The following CCNK variants were observed in gnomAD, a reference collection of about 807,000 sequenced individuals.
CCNK encodes the protein cyclin-K.
Under a neutral mutation model 65.0 loss-of-function variants are expected in CCNK, and 9 were observed. The ratio of observed to expected loss-of-function variants is 0.14; its 90% CI spans 0.08 to 0.24. The LOEUF (loss-of-function observed/expected upper bound fraction) is 0.24. Among genes scored for constraint, CCNK ranks in the 10% least tolerant of loss-of-function variants. The pLI is 1.00. For missense variants in CCNK, 474 were observed against 720.0 expected, an observed-to-expected ratio of 0.66 and a Z score of 3.91; for synonymous variants, 279 against 270.8, an observed-to-expected ratio of 1.03 and a Z score of -0.30.
intron 4 of CCNK, among the ~76,000 whole-genome samples, chr14:99,496,804 T>C (rs1162355524): frequency 1.3e-5 from 2 of 151,770 alleles, no homozygotes; most frequent in African/African-American, 4.8e-5. Flanking sequence ...TCCCATCTAC[T>C]TGGGAGGCTG....
intron 1 of CCNK, chr14:99,491,877 A>T (rs1308133018): frequency 6.6e-6 from 1 of 152,198 alleles, no homozygotes; most frequent in African/African-American, 2.4e-5. Flanking sequence ...CAAATGACTT[A>T]TTTCTAACAG....
rs1469346271 is a variant in CCNK, at chr14:99,511,497, A to G, written c.*715A>G. ...GACTCCTTCAGTCAGTTATCCAAATAAAAGCAGTTCTGAAACTATCCCTTT... is the reference window on the plus strand; with the variant it reads ...GACTCCTTCAGTCAGTTATCCAAATGAAAGCAGTTCTGAAACTATCCCTTT... On this transcript the variant is annotated 3_prime_UTR_variant, in exon 11 of 11. Coordinates refer to ENST00000389879, the MANE Select transcript of CCNK (RefSeq NM_001099402.2). 6.6e-6 allele frequency: 1 copy of G among 152,616 alleles called. No individual in the cohort carries two copies. 9.5% of individuals were successfully genotyped at this position (152,616 alleles called of 1,614,324 possible). A position where few individuals can be genotyped will look rare whatever the true frequency, so the allele number is the denominator to read the frequency against.
intron 6 of CCNK, 147 bp from the exon 7 acceptor site, chr14:99,502,060 A>T (rs1004823696): frequency 2.3e-6 from 2 of 858,130 alleles, no homozygotes; most frequent in African/African-American, 3.8e-5. Flanking sequence ...TAGAAGAGTA[A>T]AGACTTGAGT....
chr14:99,483,384 ACAAAAAAAAAAT>A (rs777133106), intron 1 of CCNK, among the ~76,000 whole-genome samples: 10 of 152,102 alleles, frequency 6.6e-5, no homozygotes, highest in Non-Finnish European at 1.5e-4. Context: ...CCTCACCACT[ACAAAAAAAAAAT>A]CAAAAAATTA....
intron 1 of CCNK, among the ~76,000 whole-genome samples, chr14:99,485,161 C>T (rs577314647): frequency 6.6e-6 from 1 of 152,322 alleles, no homozygotes; most frequent in African/African-American, 2.4e-5. Context: ...CACTACATTT[C>T]ATGAATTGTT....
rs770745891 is a variant in CCNK at position 99,510,718 on chromosome 14, C to G, written c.1679C>G (p.Pro560Arg). 4 of 1,429,310 alleles carry G rather than the reference C, an allele frequency of 2.8e-6. No individual in the cohort carries two copies. Among genetic ancestry groups the G allele is most frequent in the Non-Finnish European group, 3.7e-6 (4 of 1,090,578 alleles). 88.5% of individuals were successfully genotyped at this position (1,429,310 alleles called of 1,614,324 possible). The change falls in exon 11 of 11, where the codon CCG (proline) becomes CGG (arginine). Residue 560 changes from proline (P) to arginine (R), a missense_variant. Coordinates refer to ENST00000389879, the MANE Select transcript of CCNK (RefSeq NM_001099402.2). ...VPPGGQPPVPPPIPPPGMPPV... is the reference protein window; with the variant it reads ...VPPGGQPPVPRPIPPPGMPPV... ...CCTGGAGGACAGCCTCCTGTGCCCCCGCCCATTCCCCCACCCGGCATGCCT... is the reference window on the plus strand; with the variant it reads ...CCTGGAGGACAGCCTCCTGTGCCCCGGCCCATTCCCCCACCCGGCATGCCT...
At chr14:99,491,920 T>C (rs1468861987) in intron 1 of CCNK, 1 of 151,948 alleles carries the variant, frequency 6.6e-6, no homozygotes, top group East Asian at 1.9e-4. Flanking sequence ...GTTGTTGTTG[T>C]TTTTTTCTTT....
intron 1 of CCNK, among the ~76,000 whole-genome samples, chr14:99,491,020 T>C (rs978591285): frequency 6.6e-6 from 1 of 152,284 alleles, no homozygotes; most frequent in Non-Finnish European, 1.5e-5. Flanking sequence ...ACCTTGCTGA[T>C]CTGGAAATTT....
intron 10 of CCNK, chr14:99,507,716 G>C (rs978378898): frequency 6.5e-6 from 1 of 154,366 alleles, no homozygotes; most frequent in Non-Finnish European, 1.4e-5. Context: ...TTCTGAGATA[G>C]AGGCAGGGTT....
Position 99,503,620 on chromosome 14 carries a change from C to A in CCNK, c.1021C>A (p.Pro341Thr). The A allele has an allele frequency of 6.4e-7, 1 of 1,560,132 alleles. No individual in the cohort carries two copies. Among genetic ancestry groups the A allele is most frequent in the Non-Finnish European group, 8.7e-7 (1 of 1,150,054 alleles). ...RQVKRAVVVS[P>T]KEENKAAEPP... is the part of the protein sequence containing the mutation. ...TTTTCTTTTGTAACAGGTTGTTTCT[C>A]CCAAAGAAGAGAACAAAGCAGCAGG... The change falls in exon 9 of 11, where the codon CCC becomes ACC. Residue 341 changes from proline to threonine, a missense_variant. By Grantham distance (38) the Pro-to-Thr change is conservative. Transcript: ENST00000389879.
rs750248576 is a variant in CCNK at position 99,496,635 on chromosome 14, G to A, written c.411+1006G>A. Among the ~76,000 whole-genome samples the A allele has an allele frequency of 3.7e-4, 57 of 152,010 alleles. 1 individual carries two copies. The highest frequency in any genetic ancestry group is 6.3e-4 in the Non-Finnish European group (43 of 68,004). Reference sequence around the variant, plus strand: ...TGAGGCAGGAGAATGGCATGAACCCGGGAGGCGGAGCTTGCAGTGAGCCGA... The same window carrying A: ...TGAGGCAGGAGAATGGCATGAACCCAGGAGGCGGAGCTTGCAGTGAGCCGA... On this transcript the variant is annotated intron_variant, in intron 4 of 10. Transcript: ENST00000389879.
intron 1 of CCNK, among the ~76,000 whole-genome samples, chr14:99,489,137 A>AT (rs954155721): frequency 8.6e-5 from 13 of 150,762 alleles, no homozygotes; most frequent in Admixed American, 4.0e-4. Flanking sequence ...ATATATATAT[A>AT]TTTTTTTTTA....
intron 4 of CCNK, among the ~76,000 whole-genome samples, chr14:99,498,548 C>T (rs1488908165): frequency 6.6e-6 from 1 of 152,100 alleles, no homozygotes; most frequent in Non-Finnish European, 1.5e-5. Context: ...CCTTAATTAG[C>T]TTTATTTTAA....
chr14:99,482,783 TAAAG>T (rs1229040275), intron 1 of CCNK, among the ~76,000 whole-genome samples: 1 of 152,222 alleles, frequency 6.6e-6, no homozygotes, highest in Non-Finnish European at 1.5e-5. Flanking sequence ...TTGAATGTCA[TAAAG>T]AAAAATTGGT....
Position 99,510,525 on chromosome 14 carries a change from C to A in CCNK, c.1486C>A (p.Pro496Thr). 1 of 570,502 alleles carries A rather than the reference C, an allele frequency of 1.8e-6. No individual in the cohort carries two copies. The highest frequency in any genetic ancestry group is 5.6e-5 in the East Asian group (1 of 17,724). 35.3% of individuals were successfully genotyped at this position (570,502 alleles called of 1,614,324 possible). Residue 496 changes from proline (P) to threonine (T), a missense_variant, in exon 11 of 11, where the codon CCA (proline) becomes ACA (threonine). Physicochemically the swap from Pro to Thr is conservative, Grantham distance 38. Around this residue, in one of 6 missense-constraint regions of CCNK, gnomAD observed 38 missense variants for 19.2 expected, o/e 1.98. Transcript: ENST00000389879. ...GCCTCCTCCCCCAGCCTCCTTCCCC[C>A]CACCTGCCATCCCACCCCCTACTCC... The part of the protein sequence containing the change: ...PVPPPPASFP[P>T]PAIPPPTPGY...
intron 1 of CCNK, among the ~76,000 whole-genome samples, chr14:99,487,550 A>C (rs1042660195): frequency 2.0e-5 from 3 of 152,258 alleles, no homozygotes; most frequent in Non-Finnish European, 4.4e-5. Context: ...TTATGCAACA[A>C]CAGGAATGAA....
chr14:99,503,704 C>G (rs1468672186), intron 9 of CCNK, 60 bp downstream of exon 9: 2 of 1,385,884 alleles, frequency 1.4e-6, no homozygotes, highest in African/African-American at 1.5e-5. Context: ...ACTTTAAATT[C>G]TTAGCCAACA....
intron 3 of CCNK, chr14:99,494,411 C>T (rs970467911): frequency 6.6e-6 from 1 of 152,154 alleles, no homozygotes. Flanking sequence ...TAAAAGGTTT[C>T]GTGAAAATGA....
In CCNK at chr14:99,510,805, GT is replaced by G; in HGVS notation, c.*30del. On this transcript the variant is annotated 3_prime_UTR_variant, in exon 11 of 11. Transcript: ENST00000389879. ...TAACGTGAGCCTTTTTTCCCTCTTT[GT>G]TTTTTTAACAAGATTTTCTAATCGA... is the stretch of plus-strand genomic sequence containing the variant. 2 of 1,409,160 alleles carry G rather than the reference GT, an allele frequency of 1.4e-6. No individual in the cohort carries two copies. Among genetic ancestry groups the G allele is most frequent in the Non-Finnish European group, 9.3e-7 (1 of 1,080,932 alleles). 87.3% of individuals were successfully genotyped at this position (1,409,160 alleles called of 1,614,324 possible). A position where few individuals can be genotyped will look rare whatever the true frequency, so the allele number is the denominator to read the frequency against.
Sources: allele counts gnomAD v4.1 joint callset (sites outside exome capture counted in the v4.1 genomes callset), GRCh38; gene constraint gnomAD v4.1.1; regional missense constraint gnomAD v4.1.1; transcripts MANE v1.5; gene names NCBI Gene and HGNC (gene_info 2026-07-23, HGNC 2026-07-21).